The following PCSK5 variants were observed in gnomAD, a reference collection of about 807,000 sequenced individuals.
The protein encoded by PCSK5 is proprotein convertase subtilisin/kexin type 5, also known as prohormone convertase 5.
PCSK5 carries 129 observed loss-of-function variants against 233.2 expected under a neutral mutation model. That is an observed-to-expected ratio of 0.55 (90% CI 0.48 to 0.64). PCSK5 has a LOEUF of 0.64. Among genes scored for constraint, PCSK5 ranks in the 30% least tolerant of loss-of-function variants. PCSK5 has a pLI of 0.00. For synonymous variants in PCSK5, 825 were observed against 879.2 expected (o/e 0.94, Z 1.09); for missense variants, 2,076 against 2,430.1 (o/e 0.85, Z 3.06).
At chr9:76,027,292 C>T (rs938415467) in intron 5 of PCSK5, among the ~76,000 whole-genome samples, 6 of 152,062 alleles carry the variant, frequency 3.9e-5, no homozygotes, top group African/African-American at 9.7e-5. Flanking sequence ...TAAGAGATGA[C>T]CCCTCACGTG....
chr9:76,084,259 T>A (rs1414936113), intron 7 of PCSK5, among the ~76,000 whole-genome samples: 4 of 152,262 alleles, frequency 2.6e-5, no homozygotes, highest in Non-Finnish European at 5.9e-5. Flanking sequence ...TGCACAAAGT[T>A]ATCTGACATC....
At chr9:76,158,046 G>A (rs140230109) in intron 11 of PCSK5, among the ~76,000 whole-genome samples, 6 of 151,604 alleles carry the variant, frequency 4.0e-5, no homozygotes, top group East Asian at 2.0e-4. Flanking sequence ...TATTTTTCTC[G>A]CACTTACTGA....
intron 3 of PCSK5, among the ~76,000 whole-genome samples, chr9:76,003,732 A>AT (rs1202595550): frequency 4.6e-5 from 7 of 152,058 alleles, no homozygotes; most frequent in African/African-American, 7.3e-5. Context: ...TGTCACAATG[A>AT]TTTTTTTTAT....
At position 76,188,798 on chromosome 9, in the gene PCSK5, C is replaced by T. The variant is rs190915261; in HGVS notation, c.2380+123C>T. 3.5e-3 allele frequency: 2,516 copies of T among 714,200 alleles called. 32 individuals are homozygous for T. Among genetic ancestry groups the T allele is most frequent in the South Asian group, 0.024 (1,324 of 55,078 alleles). 44.2% of individuals were successfully genotyped at this position (714,200 alleles called of 1,614,324 possible). ...AGTAATGCTGGAAAAGTTTATTTCT[C>T]GTTTGATAATTGTGTGTGTATTCTC... On this transcript the variant is annotated intron_variant, in intron 18 of 37. Transcript: ENST00000674117.
At chr9:76,144,311 C>T (rs146774491) in intron 10 of PCSK5, among the ~76,000 whole-genome samples, 17 of 152,310 alleles carry the variant, frequency 1.1e-4, no homozygotes, top group Non-Finnish European at 1.6e-4. Context: ...AGTATATTTA[C>T]AGCCAAAGTA....
rs113307193 is a variant in PCSK5 at position 76,251,242 on chromosome 9, G to A, written c.3142+10558G>A. 7.8e-3 allele frequency among the ~76,000 whole-genome samples: 1,187 copies of A among 152,096 alleles called. 15 individuals carry two copies. The highest frequency in any genetic ancestry group is 0.028 in the African/African-American group (1,153 of 41,514). ...TGATCACGCCACTGCACTCTAGCCT[G>A]GGTGACTGAGTTAGACCCCATCTCT... is the stretch of plus-strand genomic sequence containing the variant. On this transcript the variant is annotated intron_variant, in intron 24 of 37. Transcript: ENST00000674117.
intron 3 of PCSK5, among the ~76,000 whole-genome samples, chr9:76,021,104 A>G (rs948278072): frequency 1.3e-5 from 2 of 152,212 alleles, no homozygotes; most frequent in African/African-American, 2.4e-5. Flanking sequence ...GGAAGAAGTC[A>G]GAGCAGTACA....
At chr9:76,337,835 T>TA (rs1349135286) in intron 34 of PCSK5, among the ~76,000 whole-genome samples, 6 of 115,410 alleles carry the variant, frequency 5.2e-5, no homozygotes, top group South Asian at 2.9e-4. Flanking sequence ...CACCCATCTC[T>TA]GTTTTAAAAA....
At chr9:76,154,474 G>A (rs1823801797) in intron 10 of PCSK5, among the ~76,000 whole-genome samples, 1 of 152,154 alleles carries the variant, frequency 6.6e-6, no homozygotes, top group Non-Finnish European at 1.5e-5. Flanking sequence ...GAGCAGCTGA[G>A]TGCAAGCATG....
chr9:76,295,201 T>C, intron 25 of PCSK5, 74 bp from the exon 26 acceptor site: 1 of 1,327,306 alleles, frequency 7.5e-7, no homozygotes, highest in Non-Finnish European at 1.0e-6. Context: ...TAGACATACA[T>C]AAGGAGATTA....
chr9:76,280,344 T>C (rs983023094), intron 24 of PCSK5, among the ~76,000 whole-genome samples: 1 of 152,122 alleles, frequency 6.6e-6, no homozygotes, highest in Non-Finnish European at 1.5e-5. Context: ...AGTTAATACT[T>C]TTACAGTGGC....
At chr9:76,222,913 G>C (rs1243772656) in intron 20 of PCSK5, among the ~76,000 whole-genome samples, 1 of 152,174 alleles carries the variant, frequency 6.6e-6, no homozygotes, top group Non-Finnish European at 1.5e-5. Flanking sequence ...TCTTAAGTTG[G>C]AAACTACATG....
chr9:76,349,273 C>CAA (rs71372068), intron 35 of PCSK5, among the ~76,000 whole-genome samples: 178 of 66,172 alleles, frequency 2.7e-3, no homozygotes, highest in Middle Eastern at 6.9e-3. Flanking sequence ...GACTCTGTCT[C>CAA]AAAAAAAAAA....
Position 76,362,722 on chromosome 9 carries a change from A to T in PCSK5, c.*3800A>T, listed in dbSNP as rs532581394. Among the ~76,000 whole-genome samples, 2 of 152,342 alleles carry T rather than the reference A, an allele frequency of 1.3e-5. No individual in the cohort carries two copies. The highest frequency in any genetic ancestry group is 4.8e-5 in the African/African-American group (2 of 41,586). On this transcript the variant is annotated 3_prime_UTR_variant, in exon 38 of 38. Coordinates refer to ENST00000674117, the MANE Select transcript of PCSK5 (RefSeq NM_001372043.1). Reference sequence around the variant, plus strand: ...GACCTCTGACCTAACCGGTTATGTTATCTATAGATTCCAGACATTGTATGG... The same window carrying T: ...GACCTCTGACCTAACCGGTTATGTTTTCTATAGATTCCAGACATTGTATGG...
chr9:76,189,525 A>C (rs1824264026), intron 19 of PCSK5, 106 bp from the exon 20 acceptor site: 5 of 729,964 alleles, frequency 6.8e-6, no homozygotes, highest in Non-Finnish European at 1.2e-5. Flanking sequence ...TTTTTGAGTA[A>C]TCTTCAGAGG....
intron 21 of PCSK5, among the ~76,000 whole-genome samples, chr9:76,231,496 A>T (rs1826078315): frequency 6.6e-6 from 1 of 152,230 alleles, no homozygotes; most frequent in Non-Finnish European, 1.5e-5. Context: ...CAAGAAAATA[A>T]ATCCCCAGAA....
chr9:76,024,385 T>G (rs1247343781), intron 4 of PCSK5, among the ~76,000 whole-genome samples: 1 of 152,214 alleles, frequency 6.6e-6, no homozygotes, highest in Non-Finnish European at 1.5e-5. Context: ...AACAAAACAG[T>G]TGAGTTGCTG....
intron 30 of PCSK5, among the ~76,000 whole-genome samples, chr9:76,317,619 A>G (rs756001868): frequency 5.3e-5 from 8 of 152,228 alleles, no homozygotes; most frequent in Non-Finnish European, 8.8e-5. Context: ...CCTCGTATTC[A>G]TGCCCACTGC....
intron 9 of PCSK5, among the ~76,000 whole-genome samples, chr9:76,122,086 G>A (rs1412656446): frequency 2.3e-5 from 1 of 43,722 alleles, no homozygotes; most frequent in Non-Finnish European, 6.1e-5. Context: ...GCCTCCCAAA[G>A]TGCTGGGATT....
Sources: allele counts gnomAD v4.1 joint callset (sites outside exome capture counted in the v4.1 genomes callset), GRCh38; gene constraint gnomAD v4.1.1; transcripts MANE v1.5; gene names NCBI Gene and HGNC (gene_info 2026-07-23, HGNC 2026-07-21).